The following PCGF5 variants were observed in gnomAD, a reference collection of about 807,000 sequenced individuals.
PCGF5 encodes polycomb group ring finger 5.
Under a neutral mutation model 44.3 loss-of-function variants are expected in PCGF5, and 9 were observed. That is an observed-to-expected ratio of 0.20 (90% CI 0.12 to 0.35). PCGF5 has a LOEUF of 0.35. PCGF5 is among the 10% of genes least tolerant of loss of function. The probability of loss-of-function intolerance (pLI) is 1.00; values close to 1 mark genes in which losing one functional copy is unlikely to be tolerated. For synonymous variants in PCGF5, 95 were observed against 102.5 expected (o/e 0.93, Z 0.44); for missense variants, 146 against 305.3 (o/e 0.48, Z 3.89).
intron 2 of PCGF5, among the ~76,000 whole-genome samples, chr10:91,237,509 G>A (rs7070494): frequency 0.13 from 19,695 of 152,044 alleles, 2,362 homozygotes; most frequent in African/African-American, 0.32. Flanking sequence ...TTGGGAGGCC[G>A]AAGTGGGCAG....
chr10:91,234,788 G>T (rs1228876114), intron 2 of PCGF5, among the ~76,000 whole-genome samples: 1 of 152,124 alleles, frequency 6.6e-6, no homozygotes, highest in Non-Finnish European at 1.5e-5. Context: ...TGTGAGATAG[G>T]TACCTTTGTT....
At chr10:91,235,066 A>G (rs1183362745) in intron 2 of PCGF5, among the ~76,000 whole-genome samples, 1 of 152,188 alleles carries the variant, frequency 6.6e-6, no homozygotes, top group Non-Finnish European at 1.5e-5. Flanking sequence ...CACCCTAACG[A>G]TGGTACTAGT....
At chr10:91,168,929 GAAAAAAAAAAAAA>G (rs57345364) in intron 1 of PCGF5, among the ~76,000 whole-genome samples, 2,572 of 56,418 alleles carry the variant, frequency 0.046, 179 homozygotes, top group East Asian at 0.21. Flanking sequence ...CTCCGTCTCA[GAAAAAAAAAAAAA>G]AAAAAAAAAA....
intron 6 of PCGF5, 135 bp downstream of exon 6, chr10:91,251,575 C>T: frequency 1.1e-6 from 1 of 869,944 alleles, no homozygotes; most frequent in Non-Finnish European, 1.8e-6. Context: ...AAATGCCATT[C>T]TTTGACAATC....
At chr10:91,192,005 C>T (rs1482226846) in intron 1 of PCGF5, among the ~76,000 whole-genome samples, 1 of 152,238 alleles carries the variant, frequency 6.6e-6, no homozygotes, top group East Asian at 1.9e-4. Context: ...CTCTGAGCCT[C>T]AGGTTCCTCC....
chr10:91,244,579 CTG>C (rs1845410060), intron 3 of PCGF5, among the ~76,000 whole-genome samples: 1 of 152,142 alleles, frequency 6.6e-6, no homozygotes, highest in Non-Finnish European at 1.5e-5. Flanking sequence ...ATGTTGATGA[CTG>C]TGTTGAGAAC....
intron 1 of PCGF5, among the ~76,000 whole-genome samples, chr10:91,166,984 G>C (rs1027260635): frequency 4.6e-5 from 7 of 152,166 alleles, no homozygotes; most frequent in African/African-American, 1.4e-4. Context: ...TGGTCAGGAT[G>C]GGGGAGGGGA....
intron 1 of PCGF5, among the ~76,000 whole-genome samples, chr10:91,202,238 T>G (rs1844267094): frequency 6.6e-6 from 1 of 152,248 alleles, no homozygotes; most frequent in Non-Finnish European, 1.5e-5. Context: ...TTTATGGTTC[T>G]TCTGTCTTTT....
intron 2 of PCGF5, among the ~76,000 whole-genome samples, chr10:91,232,291 A>G (rs1845029602): frequency 6.6e-6 from 1 of 152,194 alleles, no homozygotes; most frequent in South Asian, 2.1e-4. Context: ...TAATGTCAGC[A>G]GTTGGAAATT....
chr10:91,160,498 A>T (rs930772648), upstream of PCGF5, among the ~76,000 whole-genome samples: 1 of 152,172 alleles, frequency 6.6e-6, no homozygotes. Context: ...TAAAATATCT[A>T]CTACACTGTC....
chr10:91,185,562 G>T (rs1490853914), intron 1 of PCGF5, among the ~76,000 whole-genome samples: 1 of 152,190 alleles, frequency 6.6e-6, no homozygotes, highest in Non-Finnish European at 1.5e-5. Context: ...ATGTATGGAG[G>T]TCTAACCTCC....
Position 91,281,259 on chromosome 10 carries a change from A to T in PCGF5, c.*2943A>T, listed in dbSNP as rs1460251137. The T allele has an allele frequency of 6.6e-6, 1 of 152,420 alleles. No homozygotes were observed. The highest frequency in any genetic ancestry group is 1.9e-4 in the East Asian group (1 of 5,196). 9.4% of individuals were successfully genotyped at this position (152,420 alleles called of 1,614,324 possible). A position where few individuals can be genotyped will look rare whatever the true frequency, so the allele number is the denominator to read the frequency against. The stretch of plus-strand genomic sequence containing the variant: ...AATGCCTTTTAACTACTCTTAGAGG[A>T]GTATATTATTTCTTTATACATTAAA... On this transcript the variant is annotated 3_prime_UTR_variant, in exon 10 of 10. Transcript: ENST00000336126.
chr10:91,159,768 C>T (rs1036577337), upstream of PCGF5, among the ~76,000 whole-genome samples: 3 of 152,102 alleles, frequency 2.0e-5, no homozygotes, highest in Non-Finnish European at 4.4e-5. Context: ...AGAAAACTTA[C>T]CCACAGATAA....
At position 91,278,413 on chromosome 10, in the gene PCGF5, A is replaced by G. The variant is rs576130502; in HGVS notation, c.*97A>G. ...ACGGTGTGTGGACTAGAGGAACACA[A>G]CCAGATTTTCAGCATGCAAATAAGG... On this transcript the variant is annotated 3_prime_UTR_variant, in exon 10 of 10. Transcript: ENST00000336126. The G allele has an allele frequency of 6.3e-6, 7 of 1,110,248 alleles. No individual in the cohort carries two copies. The Admixed American group carries it at 1.1e-4, about 17-fold the overall frequency. The allele number at this position is 1,110,248 out of a possible 1,614,324, so 68.8% of individuals were successfully genotyped here.
At chr10:91,189,117 C>A (rs1843982489) in intron 1 of PCGF5, among the ~76,000 whole-genome samples, 1 of 152,200 alleles carries the variant, frequency 6.6e-6, no homozygotes, top group South Asian at 2.1e-4. Flanking sequence ...CTAAGACATT[C>A]CACTTCTCAT....
At chr10:91,272,154 T>G (rs1393531017) in intron 9 of PCGF5, among the ~76,000 whole-genome samples, 1 of 152,208 alleles carries the variant, frequency 6.6e-6, no homozygotes, top group Non-Finnish European at 1.5e-5. Context: ...TTGAGTTACC[T>G]CTTTAAAAAT....
At chr10:91,230,127 C>T (rs925133743) in intron 2 of PCGF5, among the ~76,000 whole-genome samples, 2 of 152,072 alleles carry the variant, frequency 1.3e-5, no homozygotes, top group Non-Finnish European at 2.9e-5. Context: ...TTGAGCAAAA[C>T]GTCATAGTGG....
Position 91,222,879 on chromosome 10 carries a change from C to T in PCGF5, c.8C>T (p.Thr3Ile). MATQRKHLVKDFN... is the reference protein window; with the variant it reads MAIQRKHLVKDFN... ...AGTCTTCACTAGCCACGAATGGCTA[C>T]CCAAAGGAAACACTTGGTGAAAGAT... The change falls in exon 2 of 10, where the codon ACC becomes ATC. Residue 3 changes from threonine (T) to isoleucine (I), a missense_variant. Around this residue, in one of 3 missense-constraint regions of PCGF5, gnomAD observed 123 missense variants for 268.6 expected, o/e 0.46. Coordinates refer to ENST00000336126, the MANE Select transcript of PCGF5 (RefSeq NM_032373.5). The T allele has an allele frequency of 1.9e-6, 3 of 1,608,930 alleles. No homozygotes were observed. Among genetic ancestry groups the T allele is most frequent in the Non-Finnish European group, 2.6e-6 (3 of 1,175,256 alleles).
At chr10:91,203,828 C>T (rs1844296226) in intron 1 of PCGF5, among the ~76,000 whole-genome samples, 1 of 152,012 alleles carries the variant, frequency 6.6e-6, no homozygotes, top group Non-Finnish European at 1.5e-5. Context: ...ACAACAAAAA[C>T]AAGTGTATAT....
Sources: gnomAD v4.1 joint callset for allele counts (sites outside exome capture counted in the v4.1 genomes callset) on GRCh38, gnomAD v4.1.1 for gene constraint, gnomAD v4.1.1 regional missense constraint, MANE v1.5 for transcripts, NCBI Gene and HGNC (gene_info 2026-07-23, HGNC 2026-07-21) for gene names.